PCED1B: variants seen among roughly 807,000 people sequenced by gnomAD.
PCED1B encodes the protein PC-esterase domain containing 1B.
For synonymous variants in PCED1B, 251 were observed against 246.1 expected, an observed-to-expected ratio of 1.02 and a Z score of -0.19; for missense variants, 573 against 573.9, an observed-to-expected ratio of 1.00 and a Z score of 0.02.
intron 2 of PCED1B, among the ~76,000 whole-genome samples, chr12:47,171,882 T>C (rs1465296645): frequency 6.7e-4 from 87 of 129,712 alleles, no homozygotes; most frequent in African/African-American, 2.0e-3. Context: ...TCTTCTTTTC[T>C]TCTTCTTCTT....
intron 2 of PCED1B, among the ~76,000 whole-genome samples, chr12:47,205,157 G>A (rs145838377): frequency 2.0e-5 from 3 of 152,268 alleles, no homozygotes; most frequent in Admixed American, 6.5e-5. Flanking sequence ...AAAGTGGGGC[G>A]TGCTGATAGA....
chr12:47,189,033 T>TGAG (rs1173155917), intron 2 of PCED1B, among the ~76,000 whole-genome samples: 4 of 152,192 alleles, frequency 2.6e-5, no homozygotes, highest in African/African-American at 4.8e-5. Flanking sequence ...AGCCTCCACT[T>TGAG]ATCTCGAGAT....
intron 2 of PCED1B, among the ~76,000 whole-genome samples, chr12:47,195,727 C>T (rs1942583976): frequency 6.6e-6 from 1 of 152,240 alleles, no homozygotes; most frequent in Non-Finnish European, 1.5e-5. Flanking sequence ...CTAAGAAAAT[C>T]ATACCTGAGT....
chr12:47,235,732 G>A lies in PCED1B; in HGVS notation c.669G>A (p.Glu223=), dbSNP rs144639657. The stretch of plus-strand genomic sequence containing the variant: ...ATTTCCACTTCCGCCACGCGAGGGA[G>A]AACCTGCACTGGGACGGGGTGCACT... ...DLHFHFRHAR[E]NLHWDGVHWN... Residue 223 remains glutamate, a synonymous_variant, in exon 4 of 4, where the codon GAG becomes GAA. Coordinates refer to ENST00000546455, the MANE Select transcript of PCED1B (RefSeq NM_138371.3). 339 of 1,609,110 alleles carry A rather than the reference G, an allele frequency of 2.1e-4. 3 individuals are homozygous for A. The Middle Eastern group carries it at 0.011, about 53-fold the overall frequency.
chr12:47,227,071 C>T (rs1943652810), intron 3 of PCED1B, among the ~76,000 whole-genome samples: 1 of 152,178 alleles, frequency 6.6e-6, no homozygotes, highest in Non-Finnish European at 1.5e-5. Flanking sequence ...TGTCAGATTT[C>T]ATTAATCCTG....
At chr12:47,092,646 C>T (rs1211647541) in intron 1 of PCED1B, among the ~76,000 whole-genome samples, 2 of 151,980 alleles carry the variant, frequency 1.3e-5, no homozygotes, top group East Asian at 3.9e-4. Context: ...ATGATGTTTG[C>T]TACGGATATT....
intron 2 of PCED1B, among the ~76,000 whole-genome samples, chr12:47,173,609 T>A (rs1592237594): frequency 6.6e-6 from 1 of 151,236 alleles, no homozygotes; most frequent in Non-Finnish European, 1.5e-5. Flanking sequence ...TTAAACATGG[T>A]GGGATAAAAA....
intron 1 of PCED1B, among the ~76,000 whole-genome samples, chr12:47,085,250 A>G (rs943674121): frequency 3.3e-5 from 5 of 152,200 alleles, no homozygotes; most frequent in African/African-American, 1.2e-4. Context: ...CAAAAAATTC[A>G]CTTGATTTTC....
Position 47,222,025 on chromosome 12 carries a change from C to T in PCED1B, c.-58+5336C>T, listed in dbSNP as rs539513465. On this transcript the variant is annotated intron_variant, in intron 3 of 3. Transcript: ENST00000546455. ...GGCTGAGGCAGAAGGATCTCTTAAA[C>T]CTGGGAGATAAAGGCTGCAGTGAGC... Among the ~76,000 whole-genome samples the T allele has an allele frequency of 2.0e-3, 298 of 151,244 alleles. 3 individuals carry two copies. The highest frequency in any genetic ancestry group is 2.2e-3 in the Non-Finnish European group (148 of 67,898).
In PCED1B at chr12:47,080,478, C is replaced by T. The variant is rs1937640360; in HGVS notation, c.-609+753C>T. On this transcript the variant is annotated intron_variant, in intron 1 of 3. Transcript: ENST00000546455. ...TAAACCCAGAAGCAGCCTGACGTCT[C>T]CGCTCGTTTCTAGGGAGGAGGTCGC... 2.0e-5 allele frequency among the ~76,000 whole-genome samples: 3 copies of T among 152,166 alleles called. No individual in the cohort carries two copies. In the South Asian group the frequency reaches 6.2e-4, roughly 31 times the overall value.
intron 2 of PCED1B, among the ~76,000 whole-genome samples, chr12:47,184,758 G>T (rs1942202952): frequency 6.6e-6 from 1 of 151,270 alleles, no homozygotes; most frequent in South Asian, 2.1e-4. Flanking sequence ...CATAATTTCA[G>T]AACAAAGATT....
rs1941381514 is a variant in PCED1B, at chr12:47,161,639, A to G, written c.-525-54583A>G. 2.0e-5 allele frequency among the ~76,000 whole-genome samples: 3 copies of G among 152,210 alleles called. No individual in the cohort carries two copies. The South Asian group carries it at 6.2e-4, about 31-fold the overall frequency. ...CAGGTGCTGGAGAGGATGTGGAGAA[A>G]TAGGAACACTTTTACACCATTGGTG... On this transcript the variant is annotated intron_variant, in intron 2 of 3. Transcript: ENST00000546455.
At chr12:47,190,718 A>G (rs1405857563) in intron 2 of PCED1B, among the ~76,000 whole-genome samples, 1 of 152,246 alleles carries the variant, frequency 6.6e-6, no homozygotes, top group Non-Finnish European at 1.5e-5. Context: ...ATTTAGGTTG[A>G]GTACCTGATG....
intron 2 of PCED1B, among the ~76,000 whole-genome samples, chr12:47,107,510 C>A (rs1225106402): frequency 6.6e-6 from 1 of 152,166 alleles, no homozygotes; most frequent in Non-Finnish European, 1.5e-5. Flanking sequence ...CCAGAAGAAG[C>A]AGAAAGTATA....
At chr12:47,115,827 A>G (rs573635433) in intron 2 of PCED1B, among the ~76,000 whole-genome samples, 1 of 152,360 alleles carries the variant, frequency 6.6e-6, no homozygotes, top group Admixed American at 6.5e-5. Context: ...TTTAATATGC[A>G]CAATGAAAAA....
intron 2 of PCED1B, among the ~76,000 whole-genome samples, chr12:47,131,553 A>G (rs1304327629): frequency 2.6e-5 from 4 of 152,232 alleles, no homozygotes; most frequent in Non-Finnish European, 5.9e-5. Context: ...ACAGAGCACA[A>G]AATGGAAAGG....
rs192336608 is a variant in PCED1B at position 47,199,810 on chromosome 12, T to C, written c.-525-16412T>C. Among the ~76,000 whole-genome samples, 94 of 152,312 alleles carry C rather than the reference T, an allele frequency of 6.2e-4. 2 individuals carry two copies. In the South Asian group the frequency reaches 0.014, roughly 22 times the overall value. On this transcript the variant is annotated intron_variant, in intron 2 of 3. Transcript: ENST00000546455. ...AAGAAACTCTAGGTGACCTTGTGTT[T>C]AGTTGTGAATTTGTAGCTTCAACAC... is the stretch of plus-strand genomic sequence containing the variant.
chr12:47,167,398 T>C (rs1941579152), intron 2 of PCED1B, among the ~76,000 whole-genome samples: 1 of 152,124 alleles, frequency 6.6e-6, no homozygotes, highest in Non-Finnish European at 1.5e-5. Context: ...GAAAAGGGCA[T>C]TGTGGCTGTC....
At chr12:47,219,563 A>G (rs948185479) in intron 3 of PCED1B, among the ~76,000 whole-genome samples, 3 of 152,230 alleles carry the variant, frequency 2.0e-5, no homozygotes, top group Non-Finnish European at 2.9e-5. Flanking sequence ...TAGAGTAGTC[A>G]GCATAAGCCT....
Sources: gnomAD v4.1 joint callset for allele counts (sites outside exome capture counted in the v4.1 genomes callset) on GRCh38, gnomAD v4.1.1 for gene constraint, MANE v1.5 for transcripts, NCBI Gene and HGNC (gene_info 2026-07-23, HGNC 2026-07-21) for gene names.